Variants in ZNF718 observed in about 807,000 individuals in gnomAD.
ZNF718 encodes zinc finger protein 718.
In ZNF718, 3 loss-of-function variants were observed where a neutral mutation model predicts 2.6. The ratio of observed to expected loss-of-function variants is 1.16; its 90% CI spans 0.53 to 3.01. The LOEUF (loss-of-function observed/expected upper bound fraction) is 3.01, where lower values mean the gene tolerates loss of function less well. Ranked by LOEUF, ZNF718 falls within the 30% of genes most tolerant of loss-of-function variation. The pLI is 0.03. For synonymous variants in ZNF718, 135 were observed against 77.9 expected (o/e 1.73, Z -3.86); for missense variants, 468 against 230.0 (o/e 2.03, Z -6.69).
At chr4:191,108 C>A (rs1235898571) in intron 3 of ZNF718, among the ~76,000 whole-genome samples, 2 of 147,336 alleles carry the variant, frequency 1.4e-5, no homozygotes, top group Non-Finnish European at 3.0e-5. Flanking sequence ...GAGTTGGTAT[C>A]TTCTAAGTTT....
intron 3 of ZNF718, among the ~76,000 whole-genome samples, chr4:187,826 C>G (rs909151973): frequency 3.9e-5 from 6 of 152,132 alleles, no homozygotes; most frequent in Non-Finnish European, 2.9e-5. Context: ...TCTCCAAGGC[C>G]CACAGGCTGC....
chr4:172,527 A>G (rs1049937302), intron 3 of ZNF718, among the ~76,000 whole-genome samples: 5 of 152,194 alleles, frequency 3.3e-5, no homozygotes, highest in Admixed American at 2.6e-4. Context: ...ACTCAATAAC[A>G]TAGGTACTTA....
chr4:153,046 T>A (rs1447437560), intron 3 of ZNF718, among the ~76,000 whole-genome samples: 1 of 151,768 alleles, frequency 6.6e-6, no homozygotes, highest in African/African-American at 2.4e-5. Flanking sequence ...TGTTTGGGTT[T>A]CCCAAACATA....
rs1716870108 is a variant in ZNF718, at chr4:161,670, C to A, written c.985C>A (p.His329Asn). 9.0e-6 allele frequency: 7 copies of A among 779,340 alleles called. No homozygotes were observed. Among genetic ancestry groups the A allele is most frequent in the Non-Finnish European group, 1.4e-5 (6 of 417,238 alleles). The allele number at this position is 779,340 out of a possible 1,614,324, so 48.3% of individuals were successfully genotyped here. Reference protein sequence around the residue: ...VFTTSSDFAKHKRIHTGEKPY... With the variant: ...VFTTSSDFAKNKRIHTGEKPY... ...TACCACATCCTCAGACTTTGCTAAACATAAGAGAATTCATACAGGAGAGAA... is the reference window on the plus strand; with the variant it reads ...TACCACATCCTCAGACTTTGCTAAAAATAAGAGAATTCATACAGGAGAGAA... The change falls in exon 4 of 4, where the codon CAT becomes AAT. Residue 329 changes from histidine to asparagine, a missense_variant. Transcript: ENST00000510175.
At chr4:156,306 T>C (rs192368371) in intron 3 of ZNF718, among the ~76,000 whole-genome samples, 100 of 152,330 alleles carry the variant, frequency 6.6e-4, no homozygotes, top group Non-Finnish European at 1.2e-3. Context: ...ACTTGCTCTG[T>C]TTGTGTGTAT....
chr4:155,107 G>T (rs374997565), intron 3 of ZNF718, among the ~76,000 whole-genome samples: 1,938 of 152,314 alleles, frequency 0.013, 48 homozygotes, highest in African/African-American at 0.044. Flanking sequence ...GAAGTCAAAA[G>T]CGAGGTTTGG....
At chr4:173,993 G>T (rs1717298128) in intron 3 of ZNF718, among the ~76,000 whole-genome samples, 1 of 152,024 alleles carries the variant, frequency 6.6e-6, no homozygotes. Context: ...AACATCGTAG[G>T]CCCCCAAGTA....
chr4:176,157 A>C (rs1553819062), intron 3 of ZNF718, among the ~76,000 whole-genome samples: 1 of 152,102 alleles, frequency 6.6e-6, no homozygotes, highest in Non-Finnish European at 1.5e-5. Flanking sequence ...GCAGCTCCAC[A>C]AGCACTAATG....
chr4:133,664 A>G (rs1036352733), intron 3 of ZNF718, among the ~76,000 whole-genome samples: 5 of 152,228 alleles, frequency 3.3e-5, no homozygotes, highest in African/African-American at 1.2e-4. Flanking sequence ...AATTTTTACC[A>G]GAATTTAATA....
Position 162,169 on chromosome 4 carries a change from AATC to A in ZNF718, c.*50_*52del. On this transcript the variant is annotated 3_prime_UTR_variant, in exon 4 of 4. Transcript: ENST00000510175. ...CTTTAAGTCTTCCTCAGTCTTTTCT[AATC>A]ATAATTCATACTGGAGAGAAACTCT... 1.6e-6 allele frequency: 1 copy of A among 642,876 alleles called. No individual in the cohort carries two copies. The highest frequency in any genetic ancestry group is 2.5e-5 in the East Asian group (1 of 39,298). The allele number at this position is 642,876 out of a possible 1,614,324, so 39.8% of individuals were successfully genotyped here.
At chr4:145,996 CTA>C (rs1386078898) in intron 3 of ZNF718, among the ~76,000 whole-genome samples, 1 of 150,940 alleles carries the variant, frequency 6.6e-6, no homozygotes, top group Non-Finnish European at 1.5e-5. Context: ...TATACTGAAG[CTA>C]TATGTGTTTT....
At chr4:168,655 A>G (rs2108808809), downstream of ZNF718, among the ~76,000 whole-genome samples, 1 of 152,256 alleles carries the variant, frequency 6.6e-6, no homozygotes, top group South Asian at 2.1e-4. Context: ...TGTTTATAGT[A>G]TTCTCTGATG....
intron 3 of ZNF718, among the ~76,000 whole-genome samples, chr4:133,840 T>C (rs1489486997): frequency 6.6e-6 from 1 of 152,218 alleles, no homozygotes; most frequent in Non-Finnish European, 1.5e-5. Context: ...TGATTTGATA[T>C]GTATATACAT....
rs1716993230 is a variant in ZNF718 at position 163,438 on chromosome 4, T to G, written c.*1316T>G. 6.6e-6 allele frequency: 1 copy of G among 152,246 alleles called. No individual in the cohort carries two copies. Among genetic ancestry groups the G allele is most frequent in the Non-Finnish European group, 1.5e-5 (1 of 68,050 alleles). The allele number at this position is 152,246 out of a possible 1,614,324, so 9.4% of individuals were successfully genotyped here. On this transcript the variant is annotated 3_prime_UTR_variant, in exon 4 of 4. Coordinates refer to ENST00000510175, the MANE Select transcript of ZNF718 (RefSeq NM_001039127.6). Reference sequence around the variant, plus strand: ...CTCCTGACCTCGTGATCCGCCCGCCTCGGCCTCCCAAAGTGCTGGGATTAC... The same window carrying G: ...CTCCTGACCTCGTGATCCGCCCGCCGCGGCCTCCCAAAGTGCTGGGATTAC...
chr4:190,865 C>T (rs188827088), intron 3 of ZNF718, among the ~76,000 whole-genome samples: 1 of 151,754 alleles, frequency 6.6e-6, no homozygotes, highest in Non-Finnish European at 1.5e-5. Context: ...ATAGGGAAAC[C>T]CCGTCTCTAC....
intron 3 of ZNF718, among the ~76,000 whole-genome samples, chr4:200,743 G>C (rs1308052916): frequency 6.6e-6 from 1 of 152,088 alleles, no homozygotes; most frequent in East Asian, 1.9e-4. Context: ...AAGGCAAATA[G>C]TTGTTTTCAT....
At chr4:181,006 G>C (rs1421769284) in intron 3 of ZNF718, among the ~76,000 whole-genome samples, 1 of 151,802 alleles carries the variant, frequency 6.6e-6, no homozygotes, top group Non-Finnish European at 1.5e-5. Context: ...ATGTTTTTCT[G>C]TTTCATGAAG....
rs1249758208 is a variant in ZNF718, at chr4:160,961, A to C, written c.276A>C (p.Glu92Asp). The change falls in exon 4 of 4, where the codon GAA (glutamate) becomes GAC (aspartate). Residue 92 changes from glutamate to aspartate, a missense_variant. Transcript: ENST00000510175. ...TQNLWTVQGIEDSFHKLIPKG... is the reference protein window; with the variant it reads ...TQNLWTVQGIDDSFHKLIPKG... ...ACCTTTGGACAGTGCAGGGCATAGA[A>C]GATTCATTCCACAAACTTATACCAA... 1 of 780,788 alleles carries C rather than the reference A, an allele frequency of 1.3e-6. No homozygotes were observed. Among genetic ancestry groups the C allele is most frequent in the East Asian group, 2.4e-5 (1 of 41,246 alleles). The allele number at this position is 780,788 out of a possible 1,614,324, so 48.4% of individuals were successfully genotyped here.
chr4:160,940 T>G lies in ZNF718; in HGVS notation c.255T>G (p.Leu85=), dbSNP rs200257636. ...TGTGTTCTCATTTCACCCAAAACCTTTGGACAGTGCAGGGCATAGAAGATT... is the reference window on the plus strand; with the variant it reads ...TGTGTTCTCATTTCACCCAAAACCTGTGGACAGTGCAGGGCATAGAAGATT... The part of the protein sequence containing the change: ...PAVCSHFTQN[L]WTVQGIEDSF... Residue 85 remains leucine (L), a synonymous_variant, in exon 4 of 4, where the codon CTT becomes CTG. Transcript: ENST00000510175. 11 of 773,384 alleles carry G rather than the reference T, an allele frequency of 1.4e-5. No homozygotes were observed. The highest frequency in any genetic ancestry group is 4.6e-4 in the Middle Eastern group (2 of 4,394). The allele number at this position is 773,384 out of a possible 1,614,324, so 47.9% of individuals were successfully genotyped here. A position where few individuals can be genotyped will look rare whatever the true frequency, so the allele number is the denominator to read the frequency against.
Sources: allele counts gnomAD v4.1 joint callset (sites outside exome capture counted in the v4.1 genomes callset), GRCh38; gene constraint gnomAD v4.1.1; transcripts MANE v1.5; gene names NCBI Gene and HGNC (gene_info 2026-07-23, HGNC 2026-07-21).